The following KIAA0586 variants were observed in gnomAD, a reference collection of about 807,000 sequenced individuals.
KIAA0586 encodes KIAA0586, also known as protein TALPID3.
A neutral mutation model predicts 169.8 loss-of-function variants in KIAA0586; 144 were observed. The ratio of observed to expected loss-of-function variants is 0.85; its 90% CI spans 0.74 to 0.97. The LOEUF (loss-of-function observed/expected upper bound fraction) is 0.97, where lower values mean the gene tolerates loss of function less well. Among genes scored for constraint, KIAA0586 ranks in the 50% least tolerant of loss-of-function variants. The pLI, the probability that KIAA0586 is intolerant of heterozygous loss-of-function variation, is 0.00. For synonymous variants in KIAA0586, 625 were observed against 612.4 expected (o/e 1.02, Z -0.30); for missense variants, 1,854 against 1,823.0 (o/e 1.02, Z -0.31).
intron 9 of KIAA0586, 52 bp from the exon 10 acceptor site, chr14:58,456,650 A>G (rs962288354): frequency 1.1e-6 from 1 of 943,514 alleles, no homozygotes; most frequent in Admixed American, 2.3e-5. Flanking sequence ...ACAACAATTT[A>G]GGAAACTTTT....
Position 58,466,024 on chromosome 14 carries a change from T to C in KIAA0586, c.2249T>C (p.Leu750Pro). 6.3e-7 allele frequency: 1 copy of C among 1,593,180 alleles called. No individual in the cohort carries two copies. The highest frequency in any genetic ancestry group is 8.6e-7 in the Non-Finnish European group (1 of 1,168,840). The change falls in exon 15 of 31, where the codon CTT becomes CCT. Residue 750 changes from leucine to proline, a missense_variant. Physicochemically the swap from Leu to Pro is moderately conservative, Grantham distance 98. Coordinates refer to ENST00000652326, the MANE Select transcript of KIAA0586 (RefSeq NM_001329943.3). Reference protein sequence around the residue: ...LEGHLIPMAILLGQTQSNSDT... With the variant: ...LEGHLIPMAIPLGQTQSNSDT... ...GGTCATCTGATTCCTATGGCAATTCTTTTAGGTAAGAATCAACAAAATATG... is the reference window on the plus strand; with the variant it reads ...GGTCATCTGATTCCTATGGCAATTCCTTTAGGTAAGAATCAACAAAATATG...
chr14:58,437,704 C>CAAAAAA (rs71107947), intron 4 of KIAA0586, among the ~76,000 whole-genome samples: 4 of 61,600 alleles, frequency 6.5e-5, no homozygotes, highest in Non-Finnish European at 8.5e-5. Context: ...GATCCTGTCT[C>CAAAAAA]AAAAAAAAAA....
intron 29 of KIAA0586, chr14:58,521,695 G>T: frequency 1.1e-6 from 1 of 898,436 alleles, no homozygotes; most frequent in Non-Finnish European, 1.9e-6. Flanking sequence ...AACAAAAAGT[G>T]GATTCTCTCT....
rs115555647 is a variant in KIAA0586 at position 58,486,272 on chromosome 14, C to T, written c.3145-735C>T. On this transcript the variant is annotated intron_variant, in intron 21 of 30. Coordinates refer to ENST00000652326, the MANE Select transcript of KIAA0586 (RefSeq NM_001329943.3). ...CCAGCTCCATCCATGTTGCTGCAAA[C>T]GACATGATTTTTGTTCTTTTTTATG... Among the ~76,000 whole-genome samples, 1,250 of 152,188 alleles carry T rather than the reference C, an allele frequency of 8.2e-3. 15 individuals carry two copies. The highest frequency in any genetic ancestry group is 0.029 in the African/African-American group (1,192 of 41,512).
At chr14:58,448,585 G>T in intron 7 of KIAA0586, 92 bp downstream of exon 7, 2 of 833,350 alleles carry the variant, frequency 2.4e-6, no homozygotes, top group Non-Finnish European at 1.7e-6. Context: ...TGAGCAGTAG[G>T]AGTTTTTGTT....
chr14:58,513,068 T>C (rs12434095), intron 29 of KIAA0586, among the ~76,000 whole-genome samples: 8,025 of 152,174 alleles, frequency 0.053, 437 homozygotes, highest in Admixed American at 0.17. Flanking sequence ...TACTGTGATA[T>C]GGATGACCAT....
At chr14:58,460,556 G>C (rs1488949641) in intron 13 of KIAA0586, among the ~76,000 whole-genome samples, 18 of 152,144 alleles carry the variant, frequency 1.2e-4, no homozygotes, top group Admixed American at 1.2e-3. Flanking sequence ...GATCAGTAAA[G>C]CATCTAATTC....
chr14:58,490,738 C>G (rs937753290), intron 25 of KIAA0586, among the ~76,000 whole-genome samples: 3 of 151,894 alleles, frequency 2.0e-5, no homozygotes, highest in Non-Finnish European at 2.9e-5. Context: ...TTAAAAATAT[C>G]ACATTATATA....
chr14:58,456,450 C>T (rs776530796), intron 9 of KIAA0586, among the ~76,000 whole-genome samples: 5 of 152,146 alleles, frequency 3.3e-5, no homozygotes, highest in East Asian at 1.9e-4. Context: ...AAAGCATAAC[C>T]TTTTCCTGCT....
At chr14:58,477,028 G>A (rs1292424443) in intron 19 of KIAA0586, 95 bp from the exon 20 acceptor site, 2 of 624,302 alleles carry the variant, frequency 3.2e-6, no homozygotes, top group East Asian at 5.5e-5. Flanking sequence ...TGTGGCATTG[G>A]TAAAGGTTAT....
chr14:58,443,498 C>G (rs1249502138), intron 5 of KIAA0586, among the ~76,000 whole-genome samples: 1 of 152,264 alleles, frequency 6.6e-6, no homozygotes, highest in Non-Finnish European at 1.5e-5. Context: ...TCTCAGCTCA[C>G]TGCAACCTCC....
the KIAA0586 span, among the ~76,000 whole-genome samples, chr14:58,558,661 A>G: frequency 5.9e-5 from 9 of 152,376 alleles, no homozygotes; most frequent in South Asian, 1.5e-3. Context: ...ACACTGCCAT[A>G]AAACATTGAC....
intron 21 of KIAA0586, among the ~76,000 whole-genome samples, chr14:58,484,440 G>A (rs1354264230): frequency 6.6e-6 from 1 of 152,052 alleles, no homozygotes; most frequent in East Asian, 1.9e-4. Context: ...TTATGGTACT[G>A]TGTTCTCTTT....
intron 1 of KIAA0586, 62 bp downstream of exon 1, chr14:58,428,525 GT>G: frequency 8.1e-7 from 1 of 1,241,462 alleles, no homozygotes; most frequent in Non-Finnish European, 1.2e-6. Context: ...GTCCTTATTT[GT>G]TTAAATTCCC....
At position 58,505,089 on chromosome 14, in the gene KIAA0586, C is replaced by A. The variant is rs189580704; in HGVS notation, c.4169-3466C>A. ...CCCATGTATGCCTTATCCCAAGTAACCCATGTTAAGATTCTGGCATATAAC... is the reference window on the plus strand; with the variant it reads ...CCCATGTATGCCTTATCCCAAGTAAACCATGTTAAGATTCTGGCATATAAC... On this transcript the variant is annotated intron_variant, in intron 27 of 30. Coordinates refer to ENST00000652326, the MANE Select transcript of KIAA0586 (RefSeq NM_001329943.3). Among the ~76,000 whole-genome samples the A allele has an allele frequency of 1.3e-3, 195 of 152,238 alleles. 1 individual carries two copies. The highest frequency in any genetic ancestry group is 3.6e-3 in the African/African-American group (148 of 41,538).
chr14:58,514,880 G>T (rs1595450803), intron 29 of KIAA0586, among the ~76,000 whole-genome samples: 1 of 151,790 alleles, frequency 6.6e-6, no homozygotes. Context: ...CCCCTTTGCT[G>T]TACAAGTTAA....
At chr14:58,448,556 A>G (rs1024656484) in intron 7 of KIAA0586, 63 bp downstream of exon 7, 1 of 1,224,042 alleles carries the variant, frequency 8.2e-7, no homozygotes, top group African/African-American at 1.5e-5. Context: ...TGTGCTACAT[A>G]AGCTGAAAAC....
At chr14:58,554,930 G>A (rs367948607), downstream of KIAA0586, among the ~76,000 whole-genome samples, 4 of 152,146 alleles carry the variant, frequency 2.6e-5, no homozygotes, top group African/African-American at 9.6e-5. Flanking sequence ...TTTCCTGAAT[G>A]GAGAGTAGTT....
chr14:58,482,071 C>T (rs1440366677), intron 20 of KIAA0586, among the ~76,000 whole-genome samples: 2 of 151,778 alleles, frequency 1.3e-5, no homozygotes, highest in African/African-American at 4.8e-5. Context: ...CTTGGCCTCC[C>T]AAAGTGCTGG....
Sources: allele counts gnomAD v4.1 joint callset (sites outside exome capture counted in the v4.1 genomes callset), GRCh38; gene constraint gnomAD v4.1.1; transcripts MANE v1.5; gene names NCBI Gene and HGNC (gene_info 2026-07-23, HGNC 2026-07-21).